Variants in UROC1 observed in about 807,000 individuals in gnomAD.
UROC1 encodes the protein urocanate hydratase.
In UROC1, 79 loss-of-function variants were observed where a neutral mutation model predicts 89.5. The ratio of observed to expected loss-of-function variants is 0.88; its 90% CI spans 0.74 to 1.06. The LOEUF (loss-of-function observed/expected upper bound fraction) is 1.06, where lower values mean the gene tolerates loss of function less well. Ranked by LOEUF, UROC1 falls within the 50% of genes least tolerant of loss-of-function variation. The probability of loss-of-function intolerance (pLI) is 0.00; values close to 1 mark genes in which losing one functional copy is unlikely to be tolerated. For synonymous variants in UROC1, 361 were observed against 354.8 expected (o/e 1.02, Z -0.20); for missense variants, 885 against 907.8 (o/e 0.97, Z 0.32).
At chr3:126,502,333 TTG>T (rs1935946315) in intron 9 of UROC1, among the ~76,000 whole-genome samples, 1 of 150,668 alleles carries the variant, frequency 6.6e-6, no homozygotes, top group Non-Finnish European at 1.5e-5. Context: ...TGCATGTGTG[TTG>T]TGTGCGTTTG....
chr3:126,492,358 G>A, intron 16 of UROC1, 60 bp downstream of exon 16: 4 of 1,512,894 alleles, frequency 2.6e-6, no homozygotes, highest in East Asian at 2.4e-5. Flanking sequence ...AAGGCCCAAG[G>A]CAGGAAAGGC....
intron 6 of UROC1, 70 bp downstream of exon 6, chr3:126,507,671 AC>A (rs1208225737): frequency 6.8e-7 from 1 of 1,460,280 alleles, no homozygotes; most frequent in Non-Finnish European, 9.6e-7. Context: ...ATTTAATATC[AC>A]CACTTTGCTT....
At chr3:126,485,044 C>T (rs1054666927) in intron 18 of UROC1, among the ~76,000 whole-genome samples, 14 of 152,198 alleles carry the variant, frequency 9.2e-5, no homozygotes, top group East Asian at 1.9e-4. Context: ...AAAATGGGAA[C>T]GCTAACACAT....
intron 19 of UROC1, 31 bp downstream of exon 19, chr3:126,483,338 T>C (rs952306325): frequency 3.8e-6 from 6 of 1,595,202 alleles, no homozygotes; most frequent in Non-Finnish European, 4.3e-6. Context: ...GGCCCTGCCT[T>C]CAGGAGGTGG....
At chr3:126,503,003 T>A (rs1436669730) in intron 9 of UROC1, among the ~76,000 whole-genome samples, 2 of 151,964 alleles carry the variant, frequency 1.3e-5, no homozygotes, top group African/African-American at 2.4e-5. Flanking sequence ...TGTGTGTGCA[T>A]GCATGTTGTG....
intron 2 of UROC1, among the ~76,000 whole-genome samples, 164 bp downstream of exon 2, chr3:126,510,500 C>T (rs771104028): frequency 3.9e-5 from 6 of 152,226 alleles, no homozygotes; most frequent in Non-Finnish European, 7.3e-5. Context: ...GGCTCCGGCT[C>T]CCGAGGCGAC....
At chr3:126,483,973 T>C (rs1402317411) in intron 18 of UROC1, among the ~76,000 whole-genome samples, 5 of 151,778 alleles carry the variant, frequency 3.3e-5, no homozygotes. Flanking sequence ...TGCTTCGACC[T>C]CCCAAAATGC....
chr3:126,502,155 T>C (rs1560122984), intron 9 of UROC1, among the ~76,000 whole-genome samples: 1 of 152,176 alleles, frequency 6.6e-6, no homozygotes, highest in Non-Finnish European at 1.5e-5. Flanking sequence ...TATGTATGCA[T>C]GTGAGAATAT....
chr3:126,502,805 C>T (rs1560123627), intron 9 of UROC1, among the ~76,000 whole-genome samples: 1 of 149,784 alleles, frequency 6.7e-6, no homozygotes, highest in East Asian at 2.0e-4. Flanking sequence ...GCTGTGTTCT[C>T]TGTGTATGTG....
rs1286760234 is a variant in UROC1, at chr3:126,517,092, A to G, written c.126+502T>C. 2.0e-5 allele frequency among the ~76,000 whole-genome samples: 3 copies of G among 152,094 alleles called. No homozygotes were observed. In the East Asian group the frequency reaches 5.8e-4, roughly 29 times the overall value. ...ACTGGCAAGCGTGCACCATCCCTGG[A>G]CTGCTTTGCTGTTAGATGAGGGGAT... On this transcript the variant is annotated intron_variant, in intron 1 of 19. Coordinates refer to ENST00000290868, the MANE Select transcript of UROC1 (RefSeq NM_144639.3).
chr3:126,513,539 GCTCT>G (rs912214352), intron 1 of UROC1, among the ~76,000 whole-genome samples: 11 of 152,194 alleles, frequency 7.2e-5, no homozygotes, highest in Middle Eastern at 3.2e-3. Flanking sequence ...GCACATTGCC[GCTCT>G]CTGACTGCCC....
At position 126,495,959 on chromosome 3, in the gene UROC1, G is replaced by A. The variant is rs374121057; in HGVS notation, c.1509+79C>T. 213 of 1,400,168 alleles carry A rather than the reference G, an allele frequency of 1.5e-4. 2 individuals carry two copies. Among genetic ancestry groups the A allele is most frequent in the South Asian group, 1.3e-3 (104 of 82,378 alleles). The allele number at this position is 1,400,168 out of a possible 1,614,324, so 86.7% of individuals were successfully genotyped here. ...CTGGAGGCTGTGGACCAGGCTGAGC[G>A]CCCGTCAGCAGCACCTCACCTTTGG... On this transcript the variant is annotated intron_variant, in intron 15 of 19. Coordinates refer to ENST00000290868, the MANE Select transcript of UROC1 (RefSeq NM_144639.3).
chr3:126,504,577 C>T (rs374912794), intron 8 of UROC1, among the ~76,000 whole-genome samples: 2 of 152,228 alleles, frequency 1.3e-5, no homozygotes, highest in African/African-American at 4.8e-5. Flanking sequence ...ATATTAACAT[C>T]ATTGAGCTGC....
rs182265482 is a variant in UROC1 at position 126,507,849 on chromosome 3, G to A, written c.541-46C>T. On this transcript the variant is annotated intron_variant, in intron 5 of 19. Coordinates refer to ENST00000290868, the MANE Select transcript of UROC1 (RefSeq NM_144639.3). ...AGACAGAGGGGCTGAGGGCTTGGAG[G>A]GCGAGCACAGAGCCCTGGGGATGAT... 7.9e-5 allele frequency: 127 copies of A among 1,613,250 alleles called. 1 individual carries two copies. The East Asian group carries it at 2.8e-3, about 35-fold the overall frequency.
Position 126,500,774 on chromosome 3 carries a change from G to A in UROC1, c.1066C>T (p.Pro356Ser). 1.9e-6 allele frequency: 3 copies of A among 1,614,102 alleles called. No individual in the cohort carries two copies. The highest frequency in any genetic ancestry group is 2.5e-6 in the Non-Finnish European group (3 of 1,180,016). Residue 356 changes from proline to serine, a missense_variant, in exon 11 of 20, where the codon CCT becomes TCT. Transcript: ENST00000290868. ...CHNPFNGGYYPVQLSFTEAQS... is the reference protein window; with the variant it reads ...CHNPFNGGYYSVQLSFTEAQS... ...GCCTCCGTGAAGCTGAGCTGCACAG[G>A]GTAGTAGCCGCCATTGAACGGGTTG...
At chr3:126,514,116 T>C (rs1019505807) in intron 1 of UROC1, among the ~76,000 whole-genome samples, 5 of 152,272 alleles carry the variant, frequency 3.3e-5, no homozygotes, top group African/African-American at 9.6e-5. Flanking sequence ...TCCTGCTGGC[T>C]GAAATCTTAT....
chr3:126,503,393 A>G (rs116102311), intron 9 of UROC1, among the ~76,000 whole-genome samples: 2,566 of 152,362 alleles, frequency 0.017, 42 homozygotes, highest in South Asian at 0.029. Context: ...GGATGCTTCA[A>G]AAGTGGCATC....
Position 126,504,184 on chromosome 3 carries a change from G to T in UROC1, c.814-101C>A, listed in dbSNP as rs560798754. 88 of 1,209,552 alleles carry T rather than the reference G, an allele frequency of 7.3e-5. No individual in the cohort carries two copies. The African/African-American group carries it at 1.2e-3, about 16-fold the overall frequency. 74.9% of individuals were successfully genotyped at this position (1,209,552 alleles called of 1,614,324 possible). ...ACTAGGAAGGTGTCATCCCCTGTAG[G>T]TCCCTTGCTTTTCTATAACACAGTC... On this transcript the variant is annotated intron_variant, in intron 8 of 19. Transcript: ENST00000290868.
chr3:126,509,095 G>A (rs551169991), intron 3 of UROC1, among the ~76,000 whole-genome samples: 1 of 151,748 alleles, frequency 6.6e-6, no homozygotes, highest in Non-Finnish European at 1.5e-5. Flanking sequence ...TTGGATCTGG[G>A]CATGGTGGCG....
Sources: allele counts gnomAD v4.1 joint callset (sites outside exome capture counted in the v4.1 genomes callset), GRCh38; gene constraint gnomAD v4.1.1; transcripts MANE v1.5; gene names NCBI Gene and HGNC (gene_info 2026-07-23, HGNC 2026-07-21).